CELF2: variants seen among roughly 807,000 people sequenced by gnomAD.
The protein encoded by CELF2 is CUGBP Elav-like family member 2.
In CELF2, 8 loss-of-function variants were observed where a neutral mutation model predicts 62.6. The ratio of observed to expected loss-of-function variants is 0.13; its 90% CI spans 0.07 to 0.23. CELF2 has a LOEUF of 0.23. Among genes scored for constraint, CELF2 ranks in the 10% least tolerant of loss-of-function variants. The probability of loss-of-function intolerance (pLI) is 1.00; values close to 1 mark genes in which losing one functional copy is unlikely to be tolerated. For synonymous variants in CELF2, 258 were observed against 250.0 expected, an observed-to-expected ratio of 1.03 and a Z score of -0.30; for missense variants, 333 against 671.0, an observed-to-expected ratio of 0.50 and a Z score of 5.56.
chr10:11,288,316 G>T, intron 8 of CELF2, 102 bp from the exon 9 acceptor site: 1 of 1,464,588 alleles, frequency 6.8e-7, no homozygotes, highest in Non-Finnish European at 9.3e-7. Context: ...AGGGTCGTCT[G>T]CTCTCATCAT....
the CELF2 span, among the ~76,000 whole-genome samples, chr10:10,741,439 A>G: frequency 7.8e-6 from 1 of 128,614 alleles, no homozygotes; most frequent in Non-Finnish European, 1.6e-5. Context: ...TGAACTCGGG[A>G]GGGAGAGGTG....
chr10:11,266,385 C>T (rs1455678313), intron 5 of CELF2, among the ~76,000 whole-genome samples: 1 of 152,142 alleles, frequency 6.6e-6, no homozygotes, highest in African/African-American at 2.4e-5. Flanking sequence ...ATAAATAAAT[C>T]TTTCTGCTTT....
chr10:11,036,972 T>C (rs1217620956), intron 1 of CELF2, among the ~76,000 whole-genome samples: 2 of 152,232 alleles, frequency 1.3e-5, no homozygotes, highest in Non-Finnish European at 2.9e-5. Context: ...TGTGGGCGTC[T>C]TGCGCTTCTC....
At chr10:11,248,655 A>G (rs1256586685) in intron 3 of CELF2, among the ~76,000 whole-genome samples, 5 of 152,258 alleles carry the variant, frequency 3.3e-5, no homozygotes, top group Admixed American at 3.3e-4. Flanking sequence ...ATAATGATAC[A>G]ATAACAATAG....
At position 11,333,494 on chromosome 10, in the gene CELF2, A is replaced by G. The variant is rs560449054; in HGVS notation, c.*4441A>G. 6.6e-5 allele frequency: 10 copies of G among 152,374 alleles called. No homozygotes were observed. In the South Asian group the frequency reaches 2.1e-3, roughly 32 times the overall value. 9.4% of individuals were successfully genotyped at this position (152,374 alleles called of 1,614,324 possible). On this transcript the variant is annotated 3_prime_UTR_variant, in exon 13 of 13. Coordinates refer to ENST00000633077, the MANE Select transcript of CELF2 (RefSeq NM_001326342.2). ...ATAGGGGTTATAGTTGGCTTGTGCT[A>G]CTCTGGAATCATTTTACTGTTTGTT...
the CELF2 span, among the ~76,000 whole-genome samples, chr10:10,615,840 T>C: frequency 1.6e-4 from 25 of 152,134 alleles, no homozygotes; most frequent in Non-Finnish European, 2.8e-4. Context: ...CTCTTTTCTT[T>C]AAAAATTACC....
the CELF2 span, among the ~76,000 whole-genome samples, chr10:10,567,072 T>C: frequency 6.6e-6 from 1 of 152,216 alleles, no homozygotes; most frequent in Non-Finnish European, 1.5e-5. Flanking sequence ...AGGACAGTGT[T>C]CATTTAAGAA....
intron 1 of CELF2, among the ~76,000 whole-genome samples, chr10:11,113,566 A>G (rs1454918229): frequency 6.6e-6 from 1 of 152,178 alleles, no homozygotes; most frequent in Non-Finnish European, 1.5e-5. Context: ...AAGGTCTTCT[A>G]TGTTTGCCCC....
At chr10:10,669,254 C>A in the CELF2 span, among the ~76,000 whole-genome samples, 1 of 152,278 alleles carries the variant, frequency 6.6e-6, no homozygotes, top group African/African-American at 2.4e-5. Context: ...GCCAAAACAT[C>A]TGAAAGATTG....
At chr10:10,670,052 G>A in the CELF2 span, among the ~76,000 whole-genome samples, 2 of 151,926 alleles carry the variant, frequency 1.3e-5, no homozygotes, top group East Asian at 1.9e-4. Context: ...ACAGGCAAGC[G>A]CCACCATGCC....
At chr10:10,713,220 G>C in the CELF2 span, among the ~76,000 whole-genome samples, 2 of 152,196 alleles carry the variant, frequency 1.3e-5, no homozygotes, top group African/African-American at 4.8e-5. Flanking sequence ...TGTCACAGAA[G>C]CAGAACATTA....
rs2083540405 is a variant in CELF2 at position 11,270,863 on chromosome 10, G to C, written c.777+39G>C. On this transcript the variant is annotated intron_variant, in intron 7 of 12. Coordinates refer to ENST00000633077, the MANE Select transcript of CELF2 (RefSeq NM_001326342.2). This position sits in a 1 kb window ranked among gnomAD's most constrained non-coding sequence, Gnocchi z 5.8. ...AATGCCGGCGTGGTCTTCACCCGCT[G>C]AAACTCTGCAAACTGACTTTTCCCC... The C allele has an allele frequency of 7.5e-7, 1 of 1,338,810 alleles. No homozygotes were observed. The highest frequency in any genetic ancestry group is 3.0e-5 in the Admixed American group (1 of 33,528). 82.9% of individuals were successfully genotyped at this position (1,338,810 alleles called of 1,614,324 possible). A position where few individuals can be genotyped will look rare whatever the true frequency, so the allele number is the denominator to read the frequency against.
chr10:10,601,122 T>C, the CELF2 span, among the ~76,000 whole-genome samples: 1 of 152,224 alleles, frequency 6.6e-6, no homozygotes, highest in African/African-American at 2.4e-5. Context: ...TCCAGAAAGC[T>C]TGACCAATAC....
At chr10:11,120,751 C>T (rs772457577) in intron 1 of CELF2, among the ~76,000 whole-genome samples, 20 of 152,204 alleles carry the variant, frequency 1.3e-4, no homozygotes, top group Non-Finnish European at 2.1e-4. Context: ...TGCAACCCAT[C>T]CATGCTGTGG....
intron 10 of CELF2, chr10:11,320,881 T>C: frequency 6.5e-7 from 1 of 1,546,848 alleles, no homozygotes; most frequent in South Asian, 1.2e-5. Flanking sequence ...AGGCTTTTAC[T>C]TCCAAAAGAT....
chr10:10,468,946 ATGCC>A, the CELF2 span, among the ~76,000 whole-genome samples: 1 of 152,056 alleles, frequency 6.6e-6, no homozygotes, highest in East Asian at 1.9e-4. Flanking sequence ...TATCCTTTGT[ATGCC>A]TCAAACTAGA....
chr10:11,235,617 T>G (rs935084977), intron 3 of CELF2, among the ~76,000 whole-genome samples: 3 of 152,202 alleles, frequency 2.0e-5, no homozygotes, highest in Non-Finnish European at 4.4e-5. Flanking sequence ...GGAGAGCTCT[T>G]TGTTTAGCAA....
the CELF2 span, among the ~76,000 whole-genome samples, chr10:10,546,625 T>G: frequency 6.6e-6 from 1 of 152,186 alleles, no homozygotes; most frequent in Admixed American, 6.5e-5. Context: ...CAATTACGGG[T>G]CATAATTACT....
At chr10:11,320,621 CCACA>C (rs1182014926) in intron 10 of CELF2, among the ~76,000 whole-genome samples, 1 of 152,262 alleles carries the variant, frequency 6.6e-6, no homozygotes, top group Middle Eastern at 3.4e-3. Context: ...GTCCGTTTTC[CCACA>C]CTGTAACTCC....
Sources: allele counts gnomAD v4.1 joint callset (sites outside exome capture counted in the v4.1 genomes callset), GRCh38; gene constraint gnomAD v4.1.1; non-coding constraint Gnocchi (gnomAD v3.1); transcripts MANE v1.5; gene names NCBI Gene and HGNC (gene_info 2026-07-23, HGNC 2026-07-21).